Variants in ZNF277 observed in about 807,000 individuals in gnomAD.
ZNF277 encodes the protein nuclear receptor-interacting factor 4.
In ZNF277, 55 loss-of-function variants were observed where a neutral mutation model predicts 60.7. The observed-to-expected ratio is 0.91, with a 90% CI of 0.73 to 1.13. ZNF277 has a LOEUF of 1.13. Ranked by LOEUF, ZNF277 falls within the 50% of genes most tolerant of loss-of-function variation. The pLI is 0.00. For missense variants in ZNF277, 510 were observed against 523.0 expected, an observed-to-expected ratio of 0.98 and a Z score of 0.24; for synonymous variants, 178 against 179.3, an observed-to-expected ratio of 0.99 and a Z score of 0.06.
intron 1 of ZNF277, among the ~76,000 whole-genome samples, chr7:112,238,800 T>G (rs1006475780): frequency 1.3e-5 from 2 of 151,652 alleles, no homozygotes; most frequent in African/African-American, 2.4e-5. Flanking sequence ...TTACTTAATT[T>G]TTTTTTTATT....
chr7:112,288,434 G>C (rs1792119828), intron 2 of ZNF277: 1 of 152,152 alleles, frequency 6.6e-6, no homozygotes, highest in Non-Finnish European at 1.5e-5. Flanking sequence ...TTGCAAAAGA[G>C]CAAGCTGTAT....
intron 5 of ZNF277, among the ~76,000 whole-genome samples, chr7:112,319,623 A>C (rs1202913020): frequency 6.7e-6 from 1 of 148,636 alleles, no homozygotes; most frequent in Non-Finnish European, 1.5e-5. Flanking sequence ...GTAGCCACTT[A>C]TTGGAATTTA....
intron 4 of ZNF277, among the ~76,000 whole-genome samples, chr7:112,297,574 C>T (rs973670329): frequency 2.6e-5 from 4 of 152,048 alleles, no homozygotes; most frequent in African/African-American, 9.7e-5. Context: ...GAAGGTGATA[C>T]CATTGGATGT....
intron 7 of ZNF277, among the ~76,000 whole-genome samples, chr7:112,331,274 T>C (rs1793224703): frequency 6.6e-6 from 1 of 152,114 alleles, no homozygotes; most frequent in South Asian, 2.1e-4. Flanking sequence ...CTGCCTTCAA[T>C]CTACTGATTT....
In ZNF277 at chr7:112,302,561, A is replaced by G. The variant is rs574215640; in HGVS notation, c.465+6250A>G. On this transcript the variant is annotated intron_variant, in intron 4 of 11. Transcript: ENST00000361822. Reference sequence around the variant, plus strand: ...GTTATTAACAGTGCAACAGAGATCAATTTAGCTGCAGTGACCATTGAGTAA... The same window carrying G: ...GTTATTAACAGTGCAACAGAGATCAGTTTAGCTGCAGTGACCATTGAGTAA... 8.1e-4 allele frequency among the ~76,000 whole-genome samples: 124 copies of G among 152,266 alleles called. 1 individual carries two copies. The highest frequency in any genetic ancestry group is 3.4e-3 in the Middle Eastern group (1 of 294).
intron 2 of ZNF277, among the ~76,000 whole-genome samples, chr7:112,289,724 C>T (rs13224617): frequency 0.029 from 4,403 of 152,150 alleles, 71 homozygotes; most frequent in Non-Finnish European, 0.045. Context: ...TTCTATTAGT[C>T]AGCTTTTCTT....
chr7:112,255,123 C>T (rs1311542764), intron 1 of ZNF277, among the ~76,000 whole-genome samples: 1 of 152,078 alleles, frequency 6.6e-6, no homozygotes, highest in Non-Finnish European at 1.5e-5. Flanking sequence ...TGTGTGGATG[C>T]TGACAAATAT....
chr7:112,295,840 C>T (rs371585281), intron 2 of ZNF277, 29 bp from the exon 3 acceptor site: 1 of 1,531,052 alleles, frequency 6.5e-7, no homozygotes, highest in African/African-American at 1.4e-5. Context: ...TGAATCTTCT[C>T]ATCGTTCCTT....
At chr7:112,224,983 A>G (rs1000441014) in intron 1 of ZNF277, among the ~76,000 whole-genome samples, 4 of 152,248 alleles carry the variant, frequency 2.6e-5, no homozygotes. Flanking sequence ...TCTCTAAAAA[A>G]GAAAATTGTA....
At chr7:112,251,381 T>C (rs1230039105) in intron 1 of ZNF277, among the ~76,000 whole-genome samples, 1 of 152,216 alleles carries the variant, frequency 6.6e-6, no homozygotes, top group Non-Finnish European at 1.5e-5. Context: ...TGGGATTTTA[T>C]GTGAGATAAT....
In ZNF277 at chr7:112,318,224, A is replaced by G. The variant is rs1180941728; in HGVS notation, c.508A>G (p.Asn170Asp). Residue 170 changes from asparagine to aspartate, a missense_variant, in exon 5 of 12, where the codon AAT becomes GAT. Transcript: ENST00000361822. ...ACAGCAGCAAGAACGAAATGATACC[A>G]ATTTTCATGGCGTTTGTATGTTTTG... ...EQQQQERNDT[N>D]FHGVCMFCNE... 6.2e-7 allele frequency: 1 copy of G among 1,613,404 alleles called. No individual in the cohort carries two copies. The highest frequency in any genetic ancestry group is 1.3e-5 in the African/African-American group (1 of 74,892).
At position 112,243,858 on chromosome 7, in the gene ZNF277, A is replaced by G. The variant is rs566491038; in HGVS notation, c.91+37051A>G. On this transcript the variant is annotated intron_variant, in intron 1 of 11. Coordinates refer to ENST00000361822, the MANE Select transcript of ZNF277 (RefSeq NM_021994.3). ...TAAAGATACCTGCACTCATATGTTT[A>G]TCGCAATGCTATTTATAATAGCAAA... is the stretch of plus-strand genomic sequence containing the variant. 3.0e-4 allele frequency among the ~76,000 whole-genome samples: 46 copies of G among 152,294 alleles called. No individual in the cohort carries two copies. In the Middle Eastern group the frequency reaches 0.014, roughly 45 times the overall value.
At chr7:112,257,644 C>A (rs1178417482) in intron 1 of ZNF277, among the ~76,000 whole-genome samples, 1 of 151,948 alleles carries the variant, frequency 6.6e-6, no homozygotes, top group Non-Finnish European at 1.5e-5. Flanking sequence ...TTACTACTAC[C>A]TTCAGCTTGA....
chr7:112,243,435 A>T (rs1300782400), intron 1 of ZNF277, among the ~76,000 whole-genome samples: 1 of 151,838 alleles, frequency 6.6e-6, no homozygotes, highest in East Asian at 1.9e-4. Context: ...TGTGTATCTG[A>T]CAAAGGACTA....
chr7:112,325,658 C>T (rs114406762), intron 5 of ZNF277, among the ~76,000 whole-genome samples: 26 of 152,252 alleles, frequency 1.7e-4, no homozygotes, highest in African/African-American at 6.3e-4. Flanking sequence ...GGCAACATTG[C>T]CTGAGATCAT....
chr7:112,232,345 G>A (rs1480259287), intron 1 of ZNF277, among the ~76,000 whole-genome samples: 1 of 152,070 alleles, frequency 6.6e-6, no homozygotes, highest in South Asian at 2.1e-4. Flanking sequence ...TAATAAAGTA[G>A]TATGGCTGAG....
chr7:112,212,350 G>T (rs1821773951), intron 1 of ZNF277, among the ~76,000 whole-genome samples: 1 of 152,132 alleles, frequency 6.6e-6, no homozygotes, highest in African/African-American at 2.4e-5. Flanking sequence ...CATGGCAATG[G>T]AAAGAGGACT....
chr7:112,215,004 C>T (rs1204950332), intron 1 of ZNF277, among the ~76,000 whole-genome samples: 4 of 151,984 alleles, frequency 2.6e-5, no homozygotes, highest in Non-Finnish European at 5.9e-5. Flanking sequence ...GTGGTGAGGG[C>T]AGAGTATGTT....
intron 1 of ZNF277, among the ~76,000 whole-genome samples, chr7:112,270,463 A>C (rs1468733410): frequency 2.6e-5 from 4 of 152,106 alleles, no homozygotes. Flanking sequence ...GCTTGCTTTT[A>C]ATAATGAGAA....
Sources: gnomAD v4.1 joint callset for allele counts (sites outside exome capture counted in the v4.1 genomes callset) on GRCh38, gnomAD v4.1.1 for gene constraint, MANE v1.5 for transcripts, NCBI Gene and HGNC (gene_info 2026-07-23, HGNC 2026-07-21) for gene names.